The following TMEM117 variants were observed in gnomAD, a reference collection of about 807,000 sequenced individuals.
The protein encoded by TMEM117 is transmembrane protein 117.
In TMEM117, 27 loss-of-function variants were observed where a neutral mutation model predicts 52.4. That is an observed-to-expected ratio of 0.51 (90% CI 0.38 to 0.71). The LOEUF is 0.71. Ranked by LOEUF, TMEM117 falls within the 30% of genes least tolerant of loss-of-function variation. The pLI is 0.00. For missense variants in TMEM117, 556 were observed against 630.5 expected (o/e 0.88, Z 1.26); for synonymous variants, 215 against 206.3 (o/e 1.04, Z -0.36).
intron 5 of TMEM117, among the ~76,000 whole-genome samples, chr12:44,289,013 C>T (rs2138615457): frequency 6.6e-6 from 1 of 152,208 alleles, no homozygotes; most frequent in South Asian, 2.1e-4. Flanking sequence ...ACAACATCTC[C>T]CAATTTTCCC....
chr12:44,265,356 A>G (rs1048525136), intron 5 of TMEM117, among the ~76,000 whole-genome samples: 2 of 152,142 alleles, frequency 1.3e-5, no homozygotes, highest in African/African-American at 4.8e-5. Context: ...TCTAAGTGCA[A>G]TGACACACTA....
chr12:44,142,641 A>G (rs1239953595), intron 3 of TMEM117, among the ~76,000 whole-genome samples: 1 of 152,158 alleles, frequency 6.6e-6, no homozygotes, highest in Non-Finnish European at 1.5e-5. Flanking sequence ...ATTATGTATA[A>G]GAAAAGGAGC....
At chr12:44,178,294 C>T (rs1342446668) in intron 4 of TMEM117, among the ~76,000 whole-genome samples, 1 of 152,148 alleles carries the variant, frequency 6.6e-6, no homozygotes, top group Non-Finnish European at 1.5e-5. Context: ...TAAGCCATGC[C>T]ACTCCCATTG....
At chr12:44,361,215 T>C (rs1951716494) in intron 6 of TMEM117, among the ~76,000 whole-genome samples, 1 of 152,156 alleles carries the variant, frequency 6.6e-6, no homozygotes. Context: ...TTTCAAATTA[T>C]AGCAAAGATG....
chr12:43,824,180 ATT>A, the TMEM117 span, among the ~76,000 whole-genome samples: 6 of 152,206 alleles, frequency 3.9e-5, no homozygotes, highest in Non-Finnish European at 7.3e-5. Context: ...TGTCTATCGA[ATT>A]CTAATACAGA....
At chr12:43,945,538 G>T (rs1945118189) in intron 3 of TMEM117, among the ~76,000 whole-genome samples, 1 of 152,090 alleles carries the variant, frequency 6.6e-6, no homozygotes, top group African/African-American at 2.4e-5. Flanking sequence ...GGTTCGTCTG[G>T]TCTCGAATTC....
intron 3 of TMEM117, among the ~76,000 whole-genome samples, chr12:43,996,833 C>T (rs1946039267): frequency 6.6e-6 from 1 of 152,036 alleles, no homozygotes; most frequent in Admixed American, 6.6e-5. Flanking sequence ...CTTAGTGGAG[C>T]ACTACCTTAG....
intron 3 of TMEM117, among the ~76,000 whole-genome samples, chr12:43,984,789 T>A (rs1285801427): frequency 6.6e-6 from 1 of 152,210 alleles, no homozygotes; most frequent in Admixed American, 6.5e-5. Flanking sequence ...TTTTTGTTAA[T>A]CTCATTTGTC....
At chr12:44,397,399 A>G in the TMEM117 span, among the ~76,000 whole-genome samples, 3 of 152,184 alleles carry the variant, frequency 2.0e-5, no homozygotes, top group Non-Finnish European at 2.9e-5. Flanking sequence ...TCTACAGTTC[A>G]TATCTCTAAG....
rs796542793 is a variant in TMEM117 at position 43,838,127 on chromosome 12, G to GT, written c.-29+1941dup. 1.1e-3 allele frequency among the ~76,000 whole-genome samples: 159 copies of GT among 147,872 alleles called. 1 individual carries two copies. The highest frequency in any genetic ancestry group is 6.8e-3 in the Middle Eastern group (2 of 292). ...TATTTCTGTTATTATTGCTATTTGTGTTTTTTTTTTAACCTGTATTAGGCA... is the reference window on the plus strand; with the variant it reads ...TATTTCTGTTATTATTGCTATTTGTGTTTTTTTTTTTAACCTGTATTAGGCA... On this transcript the variant is annotated intron_variant, in intron 1 of 7. Coordinates refer to ENST00000266534, the MANE Select transcript of TMEM117 (RefSeq NM_032256.3).
intron 3 of TMEM117, among the ~76,000 whole-genome samples, chr12:44,074,853 A>G (rs1947356706): frequency 6.6e-6 from 1 of 152,182 alleles, no homozygotes; most frequent in Non-Finnish European, 1.5e-5. Context: ...AGAATCCTTA[A>G]GAACATGCTA....
chr12:43,991,379 C>T (rs188886628), intron 3 of TMEM117, among the ~76,000 whole-genome samples: 12 of 152,102 alleles, frequency 7.9e-5, no homozygotes, highest in Admixed American at 7.2e-4. Context: ...AGAAATTGTC[C>T]AAGAAATTTT....
chr12:44,170,657 T>C (rs1949032664), intron 4 of TMEM117, among the ~76,000 whole-genome samples: 1 of 152,222 alleles, frequency 6.6e-6, no homozygotes, highest in South Asian at 2.1e-4. Flanking sequence ...AGCAAGTTTC[T>C]TTCTACCTCC....
At chr12:44,340,078 A>T (rs1476386681) in intron 6 of TMEM117, among the ~76,000 whole-genome samples, 2 of 152,088 alleles carry the variant, frequency 1.3e-5, no homozygotes, top group Non-Finnish European at 2.9e-5. Flanking sequence ...ACATAACTAC[A>T]TATAGAAATA....
chr12:44,332,537 C>A (rs557187079), intron 6 of TMEM117, among the ~76,000 whole-genome samples: 1 of 151,982 alleles, frequency 6.6e-6, no homozygotes, highest in South Asian at 2.1e-4. Flanking sequence ...ATAATCCTGG[C>A]ATAATTAATA....
chr12:43,945,188 A>G (rs1398651407), intron 3 of TMEM117, among the ~76,000 whole-genome samples: 1 of 145,946 alleles, frequency 6.9e-6, no homozygotes, highest in Non-Finnish European at 1.5e-5. Context: ...ATACTTATCA[A>G]ATCACTAAGA....
chr12:44,394,697 A>C (rs1952173524), downstream of TMEM117, among the ~76,000 whole-genome samples: 1 of 152,110 alleles, frequency 6.6e-6, no homozygotes, highest in Admixed American at 6.6e-5. Context: ...CTTGCCAGTA[A>C]TCCACCACCT....
At chr12:43,867,155 G>A (rs1287941029) in intron 2 of TMEM117, among the ~76,000 whole-genome samples, 1 of 152,074 alleles carries the variant, frequency 6.6e-6, no homozygotes, top group Admixed American at 6.6e-5. Flanking sequence ...TGTATGTCAT[G>A]ATTTTGTAAC....
At chr12:43,860,078 T>G (rs554716058) in intron 2 of TMEM117, among the ~76,000 whole-genome samples, 9 of 152,136 alleles carry the variant, frequency 5.9e-5, no homozygotes, top group Non-Finnish European at 8.8e-5. Context: ...GAATGTGCAG[T>G]TTTGTTACAT....
Sources: gnomAD v4.1 joint callset for allele counts (sites outside exome capture counted in the v4.1 genomes callset) on GRCh38, gnomAD v4.1.1 for gene constraint, MANE v1.5 for transcripts, NCBI Gene and HGNC (gene_info 2026-07-23, HGNC 2026-07-21) for gene names.